The following DOCK1 variants were observed in gnomAD, a reference collection of about 807,000 sequenced individuals.
DOCK1 encodes dedicator of cytokinesis protein 1.
DOCK1 carries 138 observed loss-of-function variants against 262.7 expected under a neutral mutation model. That is an observed-to-expected ratio of 0.53 (90% confidence interval 0.46 to 0.61). The LOEUF (loss-of-function observed/expected upper bound fraction) is 0.61. Among genes scored for constraint, DOCK1 ranks in the 20% least tolerant of loss-of-function variants. The probability of loss-of-function intolerance (pLI) is 0.00; values close to 1 mark genes in which losing one functional copy is unlikely to be tolerated. For missense variants in DOCK1, 1,908 were observed against 2,370.7 expected (o/e 0.80, Z 4.05); for synonymous variants, 866 against 867.4 (o/e 1.00, Z 0.03).
chr10:127,122,743 G>T (rs1379964587), intron 25 of DOCK1, among the ~76,000 whole-genome samples: 1 of 152,072 alleles, frequency 6.6e-6, no homozygotes, highest in African/African-American at 2.4e-5. Context: ...GGAGAGGCTG[G>T]ATAGCAAACA....
intron 29 of DOCK1, among the ~76,000 whole-genome samples, chr10:127,338,201 G>A (rs1044237697): frequency 5.9e-5 from 9 of 152,226 alleles, no homozygotes; most frequent in African/African-American, 2.2e-4. Flanking sequence ...TTGTGCAAAG[G>A]GAAAAGGGCC....
intron 27 of DOCK1, among the ~76,000 whole-genome samples, chr10:127,185,961 A>T (rs190037843): frequency 9.4e-4 from 143 of 152,294 alleles, no homozygotes; most frequent in African/African-American, 3.2e-3. Flanking sequence ...ATATTACTCA[A>T]CTTTCTTCTT....
rs112871163 is a variant in DOCK1 at position 127,206,676 on chromosome 10, C to T, written c.2848-41332C>T. Among the ~76,000 whole-genome samples the T allele has an allele frequency of 2.0e-5, 3 of 152,236 alleles. 1 individual carries two copies. Among genetic ancestry groups the T allele is most frequent in the African/African-American group, 7.2e-5 (3 of 41,550 alleles). On this transcript the variant is annotated intron_variant, in intron 27 of 51. Coordinates refer to ENST00000623213, the MANE Select transcript of DOCK1 (RefSeq NM_001290223.2). ...TCCGAGCTCAATAAATAAAGAACCT[C>T]GTGTACTTCCCAAAGAGCCAGACAC...
chr10:127,397,556 A>G (rs1205419053), intron 38 of DOCK1, among the ~76,000 whole-genome samples: 3 of 148,498 alleles, frequency 2.0e-5, no homozygotes, highest in Non-Finnish European at 4.5e-5. Flanking sequence ...TCTGAGCATG[A>G]GTTACATGGG....
At chr10:126,906,145 A>G (rs1359570757) in intron 1 of DOCK1, among the ~76,000 whole-genome samples, 3 of 152,082 alleles carry the variant, frequency 2.0e-5, no homozygotes, top group Non-Finnish European at 4.4e-5. Flanking sequence ...GGGACCTTGG[A>G]GAGAAGGCGA....
At chr10:127,367,568 A>G (rs915730440) in intron 33 of DOCK1, among the ~76,000 whole-genome samples, 19 of 152,090 alleles carry the variant, frequency 1.2e-4, no homozygotes, top group African/African-American at 4.6e-4. Context: ...ATGCTAGTGG[A>G]AGCCTGCTGT....
At chr10:127,444,838 G>C (rs1040240637) in intron 50 of DOCK1, among the ~76,000 whole-genome samples, 3 of 152,014 alleles carry the variant, frequency 2.0e-5, no homozygotes, top group Non-Finnish European at 4.4e-5. Flanking sequence ...CCAAGGGAGA[G>C]CCTGTCCCGG....
chr10:127,300,090 C>T (rs1045299129), intron 29 of DOCK1, among the ~76,000 whole-genome samples: 39 of 152,148 alleles, frequency 2.6e-4, no homozygotes, highest in African/African-American at 9.4e-4. Flanking sequence ...GGAAGGTGAC[C>T]AGTGGACTCC....
intron 27 of DOCK1, among the ~76,000 whole-genome samples, chr10:127,211,867 A>C (rs557452700): frequency 6.6e-6 from 1 of 152,152 alleles, no homozygotes; most frequent in Non-Finnish European, 1.5e-5. Flanking sequence ...GACTCTTGCA[A>C]ATCATTTCCT....
rs1159242265 is a variant in DOCK1 at position 127,106,252 on chromosome 10, C to A, written c.2467C>A (p.Pro823Thr). 10 of 1,594,114 alleles carry A rather than the reference C, an allele frequency of 6.3e-6. No homozygotes were observed. The African/African-American group carries it at 6.7e-5, about 11-fold the overall frequency. ...GCAGGGGGCAGCACTGAAATACTTA[C>A]CAACGATCGTCAACGATGTGAAATT... is the stretch of plus-strand genomic sequence containing the variant. ...RVKGAALKYL[P>T]TIVNDVKLVF... The change falls in exon 24 of 52, where the codon CCA (proline) becomes ACA (threonine). Residue 823 changes from proline (P) to threonine (T), a missense_variant. Coordinates refer to ENST00000623213, the MANE Select transcript of DOCK1 (RefSeq NM_001290223.2).
intron 47 of DOCK1, among the ~76,000 whole-genome samples, chr10:127,427,456 G>C (rs556010282): frequency 6.6e-6 from 1 of 152,328 alleles, no homozygotes; most frequent in South Asian, 2.1e-4. Flanking sequence ...CCACGTGCCA[G>C]GGACCTTCCT....
intron 23 of DOCK1, among the ~76,000 whole-genome samples, chr10:127,062,501 G>T (rs1165904725): frequency 6.6e-6 from 1 of 152,146 alleles, no homozygotes; most frequent in East Asian, 1.9e-4. Context: ...TTCTTATCTA[G>T]CTGTAGCTTT....
intron 24 of DOCK1, among the ~76,000 whole-genome samples, chr10:127,109,407 T>C (rs966153505): frequency 3.3e-5 from 5 of 152,250 alleles, no homozygotes; most frequent in African/African-American, 4.8e-5. Flanking sequence ...TTACAAACGA[T>C]AAAGTCACCT....
At chr10:127,203,644 CGTTTTT>C (rs2057573198) in intron 27 of DOCK1, among the ~76,000 whole-genome samples, 1 of 22,430 alleles carries the variant, frequency 4.5e-5, no homozygotes, top group African/African-American at 1.9e-4. Context: ...TTTCCGTAAA[CGTTTTT>C]TTTTTTTTTT....
chr10:126,960,043 G>A (rs1393392496), intron 1 of DOCK1, among the ~76,000 whole-genome samples: 2 of 152,126 alleles, frequency 1.3e-5, no homozygotes, highest in Non-Finnish European at 2.9e-5. Context: ...CCTGACCTCA[G>A]GTGATCCGCC....
chr10:127,345,235 T>C (rs1445410838), intron 31 of DOCK1, among the ~76,000 whole-genome samples: 2 of 152,244 alleles, frequency 1.3e-5, no homozygotes, highest in African/African-American at 4.8e-5. Context: ...TTACTCAGCC[T>C]GTACTTTATG....
rs188302723 is a variant in DOCK1 at position 127,184,320 on chromosome 10, C to A, written c.2847+56556C>A. Among the ~76,000 whole-genome samples, 21 of 151,018 alleles carry A rather than the reference C, an allele frequency of 1.4e-4. 1 individual carries two copies. Among genetic ancestry groups the A allele is most frequent in the Non-Finnish European group, 1.9e-4 (13 of 67,848 alleles). ...ACGGCTTGCTCAATTCATTCCCCCC[C>A]CAGTCTAATCCCCCAAATCAGTCGT... is the stretch of plus-strand genomic sequence containing the variant. On this transcript the variant is annotated intron_variant, in intron 27 of 51. Transcript: ENST00000623213.
At chr10:127,064,188 G>T (rs970790846) in intron 23 of DOCK1, among the ~76,000 whole-genome samples, 1 of 152,122 alleles carries the variant, frequency 6.6e-6, no homozygotes, top group Non-Finnish European at 1.5e-5. Context: ...GGTACCAAAC[G>T]GTTGGTACCT....
At position 127,279,971 on chromosome 10, in the gene DOCK1, T is replaced by G. The variant is rs553529958; in HGVS notation, c.3044+22542T>G. 6.0e-5 allele frequency among the ~76,000 whole-genome samples: 9 copies of G among 149,392 alleles called. No individual in the cohort carries two copies. The East Asian group carries it at 1.2e-3, about 20-fold the overall frequency. ...TGTCACACTTTGAGAATGCATTAAT[T>G]TTTTTAAAGACATTTTAGTGGTTTT... On this transcript the variant is annotated intron_variant, in intron 29 of 51. Coordinates refer to ENST00000623213, the MANE Select transcript of DOCK1 (RefSeq NM_001290223.2).
Sources: gnomAD v4.1 joint callset for allele counts (sites outside exome capture counted in the v4.1 genomes callset) on GRCh38, gnomAD v4.1.1 for gene constraint, MANE v1.5 for transcripts, NCBI Gene and HGNC (gene_info 2026-07-23, HGNC 2026-07-21) for gene names.